Variants in IL17RD observed in about 807,000 individuals in gnomAD.
IL17RD encodes the protein interleukin-17 receptor D.
Under a neutral mutation model 80.5 loss-of-function variants are expected in IL17RD, and 52 were observed. The observed-to-expected ratio is 0.65, with a 90% CI of 0.52 to 0.81. IL17RD has a LOEUF of 0.81. Ranked by LOEUF, IL17RD falls within the 40% of genes least tolerant of loss-of-function variation. The pLI, the probability that IL17RD is intolerant of heterozygous loss-of-function variation, is 0.00. For synonymous variants in IL17RD, 416 were observed against 391.8 expected (o/e 1.06, Z -0.73); for missense variants, 1,024 against 955.1 (o/e 1.07, Z -0.95).
At position 57,098,422 on chromosome 3, in the gene IL17RD, C is replaced by T. The variant is rs760968432; in HGVS notation, c.1281G>A (p.Lys427=). ...TGTAGTTCTTCTTGTCCACAAAGTA[C>T]TTCATACCTTTGGAACAAACCACAA... ...FIIVVCSKGM[K]YFVDKKNYKH... The change falls in exon 12 of 13, where the codon AAG becomes AAA. Residue 427 remains lysine (K), a synonymous_variant. Coordinates refer to ENST00000296318, the MANE Select transcript of IL17RD (RefSeq NM_017563.5). 3 of 1,613,988 alleles carry T rather than the reference C, an allele frequency of 1.9e-6. No individual in the cohort carries two copies. The highest frequency in any genetic ancestry group is 1.1e-5 in the South Asian group (1 of 91,084).
intron 9 of IL17RD, 21 bp from the exon 10 acceptor site, chr3:57,102,610 A>G (rs1706862054): frequency 1.5e-6 from 2 of 1,337,898 alleles, no homozygotes; most frequent in South Asian, 1.3e-5. Flanking sequence ...TCAAAGGGAA[A>G]GTTTTTAAAC....
chr3:57,103,897 GT>G (rs1706893510), intron 8 of IL17RD, among the ~76,000 whole-genome samples: 1 of 152,030 alleles, frequency 6.6e-6, no homozygotes, highest in African/African-American at 2.4e-5. Flanking sequence ...AAGAGACGGG[GT>G]TTCACTGAAA....
chr3:57,131,330 T>C (rs2107514943), intron 1 of IL17RD, among the ~76,000 whole-genome samples: 1 of 152,260 alleles, frequency 6.6e-6, no homozygotes, highest in African/African-American at 2.4e-5. Flanking sequence ...CAACTCACAC[T>C]CGCTGAGTGC....
Position 57,101,263 on chromosome 3 carries a change from G to A in IL17RD, c.1080C>T (p.Leu360=). 2 of 1,613,742 alleles carry A rather than the reference G, an allele frequency of 1.2e-6. No individual in the cohort carries two copies. Among genetic ancestry groups the A allele is most frequent in the Non-Finnish European group, 8.5e-7 (1 of 1,179,708 alleles). Residue 360 remains leucine (L), a synonymous_variant, in exon 11 of 13, where the codon CTC becomes CTT. Coordinates refer to ENST00000296318, the MANE Select transcript of IL17RD (RefSeq NM_017563.5). The stretch of plus-strand genomic sequence containing the variant: ...TCTGGCCATCTTTACTGGAATAGCA[G>A]AGAAAGACCTTCGGCCGCGGCCGGA... ...ERLRPRPKVF[L]CYSSKDGQNH...
At chr3:57,156,912 C>G (rs1206360992) in intron 1 of IL17RD, among the ~76,000 whole-genome samples, 1 of 152,166 alleles carries the variant, frequency 6.6e-6, no homozygotes, top group Middle Eastern at 3.2e-3. Context: ...TCTTCTTCAT[C>G]TAAGCCTCCC....
intron 4 of IL17RD, among the ~76,000 whole-genome samples, chr3:57,109,978 A>G (rs561787234): frequency 1.3e-5 from 2 of 152,368 alleles, no homozygotes; most frequent in African/African-American, 4.8e-5. Context: ...CTGCTCCAGC[A>G]GTAACCCGAG....
intron 1 of IL17RD, among the ~76,000 whole-genome samples, chr3:57,148,628 C>A (rs1305481048): frequency 6.6e-6 from 1 of 152,166 alleles, no homozygotes; most frequent in African/African-American, 2.4e-5. Flanking sequence ...TAACATAAAT[C>A]AATGGGGGTC....
chr3:57,169,497 A>C, upstream of IL17RD: 1 of 217,018 alleles, frequency 4.6e-6, no homozygotes. Context: ...AAAAATCCTT[A>C]ACGCAAGGAT....
In IL17RD at chr3:57,114,837, A is replaced by G; in HGVS notation, c.185-20T>C. On this transcript the variant is annotated intron_variant, in intron 2 of 12. Coordinates refer to ENST00000296318, the MANE Select transcript of IL17RD (RefSeq NM_017563.5). ...TACAATCTAGAGAGTAGGGAGAATGAGAACAGTTAAATTTAAAATTTCATT... is the reference window on the plus strand; with the variant it reads ...TACAATCTAGAGAGTAGGGAGAATGGGAACAGTTAAATTTAAAATTTCATT... 1 of 1,525,392 alleles carries G rather than the reference A, an allele frequency of 6.6e-7. No homozygotes were observed. The highest frequency in any genetic ancestry group is 1.3e-5 in the South Asian group (1 of 78,908). 94.5% of individuals were successfully genotyped at this position (1,525,392 alleles called of 1,614,324 possible). A position where few individuals can be genotyped will look rare whatever the true frequency, so the allele number is the denominator to read the frequency against.
chr3:57,148,103 G>GAGCC (rs1559484305), intron 1 of IL17RD, among the ~76,000 whole-genome samples: 1 of 81,702 alleles, frequency 1.2e-5, no homozygotes, highest in Non-Finnish European at 2.4e-5. Context: ...GGGGGGGGGG[G>GAGCC]GCGATCGCTA....
intron 1 of IL17RD, among the ~76,000 whole-genome samples, chr3:57,141,815 C>G (rs1316518684): frequency 6.6e-6 from 1 of 152,112 alleles, no homozygotes; most frequent in Non-Finnish European, 1.5e-5. Context: ...AGAAGAATCA[C>G]CTAAGAAAAA....
intron 1 of IL17RD, among the ~76,000 whole-genome samples, chr3:57,163,338 TG>T (rs1271912602): frequency 2.6e-5 from 4 of 152,130 alleles, no homozygotes; most frequent in Non-Finnish European, 4.4e-5. Context: ...GTGAGGTGAC[TG>T]GGACAGAGCC....
chr3:57,114,183 C>CAA (rs113601317), intron 3 of IL17RD, among the ~76,000 whole-genome samples: 2 of 118,554 alleles, frequency 1.7e-5, no homozygotes, highest in Non-Finnish European at 3.6e-5. Context: ...AACTATGTCT[C>CAA]AAAAAAAAAA....
chr3:57,090,276 TTC>T lies in IL17RD; in HGVS notation c.*6115_*6116del. 1 of 152,652 alleles carries T rather than the reference TTC, an allele frequency of 6.6e-6. No individual in the cohort carries two copies. Among genetic ancestry groups the T allele is most frequent in the Non-Finnish European group, 1.5e-5 (1 of 68,034 alleles). The allele number at this position is 152,652 out of a possible 1,614,324, so 9.5% of individuals were successfully genotyped here. ...AACAGGGAGTTTCCACAGGGAAAAA[TTC>T]TCTTTTAAAAAATTAACAGTAAAAA... On this transcript the variant is annotated 3_prime_UTR_variant, in exon 13 of 13. Coordinates refer to ENST00000296318, the MANE Select transcript of IL17RD (RefSeq NM_017563.5).
chr3:57,147,742 C>T (rs1707961988), intron 1 of IL17RD, among the ~76,000 whole-genome samples: 1 of 151,984 alleles, frequency 6.6e-6, no homozygotes, highest in African/African-American at 2.4e-5. Flanking sequence ...CTGTGCACTA[C>T]ATCAATACAT....
intron 5 of IL17RD, among the ~76,000 whole-genome samples, chr3:57,107,692 A>C (rs1706996061): frequency 6.6e-6 from 1 of 152,198 alleles, no homozygotes; most frequent in Non-Finnish European, 1.5e-5. Flanking sequence ...ACAGAACAGA[A>C]GGTGAACAGA....
At chr3:57,128,197 G>A (rs1707534250) in intron 1 of IL17RD, among the ~76,000 whole-genome samples, 1 of 152,120 alleles carries the variant, frequency 6.6e-6, no homozygotes, top group African/African-American at 2.4e-5. Context: ...CAAGCTCTTG[G>A]GGAGTGCTGC....
At position 57,094,597 on chromosome 3, in the gene IL17RD, GA is replaced by G. The variant is rs1361528908; in HGVS notation, c.*1795del. On this transcript the variant is annotated 3_prime_UTR_variant, in exon 13 of 13. Coordinates refer to ENST00000296318, the MANE Select transcript of IL17RD (RefSeq NM_017563.5). ...ACTCCTAATGGTTCCTCTGGGACAG[GA>G]AACATCTCTTGGCCTCAATAAGAAA... 1 of 152,166 alleles carries G rather than the reference GA, an allele frequency of 6.6e-6. No individual in the cohort carries two copies. Among genetic ancestry groups the G allele is most frequent in the Non-Finnish European group, 1.5e-5 (1 of 68,042 alleles). The allele number at this position is 152,166 out of a possible 1,614,324, so 9.4% of individuals were successfully genotyped here. A position where few individuals can be genotyped will look rare whatever the true frequency, so the allele number is the denominator to read the frequency against.
At chr3:57,134,126 G>T in intron 1 of IL17RD, 1 of 582,590 alleles carries the variant, frequency 1.7e-6, no homozygotes. Context: ...TCGCTGCTGC[G>T]GCCACAGCCA....
Sources: allele counts gnomAD v4.1 joint callset (sites outside exome capture counted in the v4.1 genomes callset), GRCh38; gene constraint gnomAD v4.1.1; transcripts MANE v1.5; gene names NCBI Gene and HGNC (gene_info 2026-07-23, HGNC 2026-07-21).